The following NOL10 variants were observed in gnomAD, a reference collection of about 807,000 sequenced individuals.
NOL10 encodes the protein H_NH0074G24.1.
In NOL10, 58 loss-of-function variants were observed where a neutral mutation model predicts 103.5. The ratio of observed to expected loss-of-function variants is 0.56; its 90% confidence interval spans 0.45 to 0.70. The LOEUF (loss-of-function observed/expected upper bound fraction) is 0.70, where lower values mean the gene tolerates loss of function less well. NOL10 is among the 30% of genes least tolerant of loss of function. The pLI is 0.00. For missense variants in NOL10, 763 were observed against 807.3 expected (o/e 0.95, Z 0.67); for synonymous variants, 287 against 282.5 (o/e 1.02, Z -0.16).
intron 12 of NOL10, among the ~76,000 whole-genome samples, chr2:10,646,581 CT>C (rs1419524820): frequency 2.0e-5 from 3 of 152,188 alleles, no homozygotes; most frequent in Non-Finnish European, 4.4e-5. Flanking sequence ...GTATGAGCAG[CT>C]TCTAACAGGC....
chr2:10,665,590 A>G (rs1439620900), intron 8 of NOL10, among the ~76,000 whole-genome samples: 1 of 152,168 alleles, frequency 6.6e-6, no homozygotes, highest in African/African-American at 2.4e-5. Context: ...CTATCCCTTC[A>G]ACATGTCCTA....
intron 17 of NOL10, 56 bp from the exon 18 acceptor site, chr2:10,589,807 C>A: frequency 9.1e-7 from 1 of 1,101,496 alleles, no homozygotes; most frequent in Non-Finnish European, 1.2e-6. Context: ...TAAAATTTGA[C>A]CAGAAACATG....
intron 18 of NOL10, 87 bp from the exon 19 acceptor site, chr2:10,589,377 A>T: frequency 6.5e-7 from 1 of 1,535,672 alleles, no homozygotes; most frequent in East Asian, 2.3e-5. Flanking sequence ...TGGCCCATTA[A>T]TGAGTGCCTA....
At chr2:10,654,584 A>T (rs1352523810) in intron 11 of NOL10, 37 bp from the exon 12 acceptor site, 1 of 1,395,416 alleles carries the variant, frequency 7.2e-7, no homozygotes, top group African/African-American at 1.4e-5. Context: ...ATTAAAAGTT[A>T]AAGAACAACA....
intron 1 of NOL10, among the ~76,000 whole-genome samples, chr2:10,689,060 G>T (rs1387579472): frequency 6.6e-6 from 1 of 152,208 alleles, no homozygotes; most frequent in African/African-American, 2.4e-5. Flanking sequence ...TTCCACAAAA[G>T]GTAGTGCTCA....
intron 20 of NOL10, among the ~76,000 whole-genome samples, chr2:10,573,102 T>C (rs528573110): frequency 2.0e-5 from 3 of 150,924 alleles, no homozygotes; most frequent in Non-Finnish European, 4.4e-5. Flanking sequence ...ACTGCACACA[T>C]GGTAAACTGA....
chr2:10,631,861 T>C (rs373162957), intron 13 of NOL10, among the ~76,000 whole-genome samples: 273 of 152,258 alleles, frequency 1.8e-3, no homozygotes, highest in African/African-American at 6.3e-3. Context: ...ATTACAGGCA[T>C]GTGCCACCAC....
chr2:10,621,457 G>C, intron 13 of NOL10, among the ~76,000 whole-genome samples: 1 of 152,122 alleles, frequency 6.6e-6, no homozygotes, highest in East Asian at 1.9e-4. Flanking sequence ...ATCTGGGTGT[G>C]GTGGCACATT....
At position 10,689,907 on chromosome 2, in the gene NOL10, G is replaced by C. The variant is rs370613749; in HGVS notation, c.-46C>G. The C allele has an allele frequency of 5.1e-6, 8 of 1,556,100 alleles. No homozygotes were observed. Among genetic ancestry groups the C allele is most frequent in the Non-Finnish European group, 5.2e-6 (6 of 1,144,690 alleles). ...AAGTCCCGGGTCCTTTCCCACCAGC[G>C]TGCTCGAGCACCGTAATCCCGGGAC... On this transcript the variant is annotated 5_prime_UTR_variant, in exon 1 of 21. Transcript: ENST00000381685.
intron 17 of NOL10, among the ~76,000 whole-genome samples, 181 bp downstream of exon 17, chr2:10,600,672 T>TA (rs1675923718): frequency 6.6e-6 from 1 of 152,228 alleles, no homozygotes; most frequent in Non-Finnish European, 1.5e-5. Flanking sequence ...ATCGTAAGGA[T>TA]AGCTTTCTTC....
At chr2:10,684,315 T>C (rs1681998046) in intron 2 of NOL10, among the ~76,000 whole-genome samples, 2 of 149,932 alleles carry the variant, frequency 1.3e-5, no homozygotes, top group Middle Eastern at 3.3e-3. Flanking sequence ...GTACAGTGGC[T>C]CATGCCTGTA....
chr2:10,685,493 C>T (rs758143723), intron 1 of NOL10, among the ~76,000 whole-genome samples: 1,802 of 15,990 alleles, frequency 0.11, 358 homozygotes, highest in Non-Finnish European at 0.26. Flanking sequence ...CTCCGTCCCC[C>T]CCCCCCCCCC....
chr2:10,623,568 C>T (rs1347381884), intron 13 of NOL10, among the ~76,000 whole-genome samples: 1 of 152,190 alleles, frequency 6.6e-6, no homozygotes, highest in Admixed American at 6.5e-5. Context: ...CTATCAGCTC[C>T]TAGGCAGCAA....
At chr2:10,675,986 C>T in intron 3 of NOL10, 115 bp from the exon 4 acceptor site, 1 of 499,674 alleles carries the variant, frequency 2.0e-6, no homozygotes, top group East Asian at 3.3e-5. Flanking sequence ...GTAACCAAAT[C>T]AAAAGAAAGG....
At chr2:10,682,124 A>G (rs973233524) in intron 2 of NOL10, 55 bp from the exon 3 acceptor site, 7 of 730,216 alleles carry the variant, frequency 9.6e-6, no homozygotes, top group African/African-American at 3.7e-5. Flanking sequence ...ATTCTCTATC[A>G]TAAGAAGACA....
chr2:10,622,163 G>GATGGT lies in NOL10; in HGVS notation c.1027-14857_1027-14853dup, dbSNP rs1315344586. The GATGGT allele has an allele frequency of 3.0e-5, 10 of 329,430 alleles. No individual in the cohort carries two copies. The Admixed American group carries it at 3.6e-4, about 12-fold the overall frequency. 20.4% of individuals were successfully genotyped at this position (329,430 alleles called of 1,614,324 possible). A position where few individuals can be genotyped will look rare whatever the true frequency, so the allele number is the denominator to read the frequency against. On this transcript the variant is annotated intron_variant, in intron 13 of 20. Coordinates refer to ENST00000381685, the MANE Select transcript of NOL10 (RefSeq NM_024894.4). ...CTGGTTTAGAGAACTGGAAAATGTA[G>GATGGT]ATGGTAAACAGTTAACACAGGAAAC...
chr2:10,631,636 G>A (rs887608867), intron 13 of NOL10, among the ~76,000 whole-genome samples: 17 of 151,978 alleles, frequency 1.1e-4, no homozygotes, highest in African/African-American at 4.1e-4. Flanking sequence ...CTGACAAGAA[G>A]GCACTGTCAG....
intron 13 of NOL10, chr2:10,622,203 A>G (rs1677188911): frequency 2.1e-6 from 1 of 471,036 alleles, no homozygotes. Flanking sequence ...TAAATAAAGT[A>G]TGATATATCT....
chr2:10,686,519 T>C (rs1020554327), intron 1 of NOL10, among the ~76,000 whole-genome samples: 1 of 152,050 alleles, frequency 6.6e-6, no homozygotes, highest in Non-Finnish European at 1.5e-5. Flanking sequence ...CACTGGACAG[T>C]TCTGAGTAGA....
Sources: allele counts gnomAD v4.1 joint callset (sites outside exome capture counted in the v4.1 genomes callset), GRCh38; gene constraint gnomAD v4.1.1; transcripts MANE v1.5; gene names NCBI Gene and HGNC (gene_info 2026-07-23, HGNC 2026-07-21).